Variants in RBFOX1 observed in about 807,000 individuals in gnomAD.
RBFOX1 encodes the protein RNA binding protein fox-1 homolog 1.
A neutral mutation model predicts 57.7 loss-of-function variants in RBFOX1; 8 were observed. That is an observed-to-expected ratio of 0.14 (90% confidence interval 0.08 to 0.25). RBFOX1 has a LOEUF of 0.25. Ranked by LOEUF, RBFOX1 falls within the 10% of genes least tolerant of loss-of-function variation. The pLI, the probability that RBFOX1 is intolerant of heterozygous loss-of-function variation, is 1.00. For synonymous variants in RBFOX1, 326 were observed against 222.4 expected (o/e 1.47, Z -4.15); for missense variants, 611 against 548.5 (o/e 1.11, Z -1.14).
chr16:5,352,093 A>C (rs1189285355), intron 1 of RBFOX1, among the ~76,000 whole-genome samples: 6 of 152,148 alleles, frequency 3.9e-5, no homozygotes, highest in African/African-American at 1.4e-4. Context: ...GGGGTGAGCC[A>C]CTGCGCCCAA....
chr16:6,502,063 C>T (rs2095950148), intron 2 of RBFOX1, among the ~76,000 whole-genome samples: 1 of 152,138 alleles, frequency 6.6e-6, no homozygotes, highest in African/African-American at 2.4e-5. Flanking sequence ...TTCCTAGTTT[C>T]CAGGGAATGG....
At chr16:7,066,431 C>G (rs147182185) in intron 4 of RBFOX1, among the ~76,000 whole-genome samples, 1 of 152,270 alleles carries the variant, frequency 6.6e-6, no homozygotes, top group East Asian at 1.9e-4. Flanking sequence ...TGGGGTTAGA[C>G]CTAGCATTGA....
intron 1 of RBFOX1, among the ~76,000 whole-genome samples, chr16:6,312,134 G>A (rs2080396192): frequency 6.6e-6 from 1 of 152,094 alleles, no homozygotes. Flanking sequence ...ATACATAATT[G>A]CATTGTTTGC....
In RBFOX1 at chr16:5,329,502, C is replaced by T. The variant is rs148305411; in HGVS notation, c.219+89397C>T. On this transcript the variant is annotated intron_variant, in intron 1 of 2. Transcript: ENST00000585867. ...CTCCCACCAGGCCCCACCTCCAACA[C>T]TGGGGATTACAATTTGACATGAGAT... Among the ~76,000 whole-genome samples, 864 of 152,296 alleles carry T rather than the reference C, an allele frequency of 5.7e-3. 6 individuals are homozygous for T. Among genetic ancestry groups the T allele is most frequent in the African/African-American group, 0.019 (791 of 41,554 alleles).
At chr16:7,158,136 C>T (rs1466999371) in intron 4 of RBFOX1, among the ~76,000 whole-genome samples, 1 of 152,080 alleles carries the variant, frequency 6.6e-6, no homozygotes, top group Non-Finnish European at 1.5e-5. Context: ...ATCACAAGGT[C>T]AGGAGTTCGA....
In RBFOX1 at chr16:6,569,989, G is replaced by A. The variant is rs77333649; in HGVS notation, c.-63-84614G>A. Reference sequence around the variant, plus strand: ...CCGGTAATTTGTTTGAGAAGAAGTCGTTAGGAAACCCTTGCATTCTCTTCT... The same window carrying A: ...CCGGTAATTTGTTTGAGAAGAAGTCATTAGGAAACCCTTGCATTCTCTTCT... On this transcript the variant is annotated intron_variant, in intron 2 of 15. Coordinates refer to ENST00000550418, the MANE Select transcript of RBFOX1 (RefSeq NM_018723.4). 9.3e-3 allele frequency among the ~76,000 whole-genome samples: 1,421 copies of A among 152,234 alleles called. 26 individuals are homozygous for A. Among genetic ancestry groups the A allele is most frequent in the South Asian group, 0.032 (153 of 4,830 alleles).
At chr16:5,421,139 T>G (rs984910919) in intron 1 of RBFOX1, among the ~76,000 whole-genome samples, 15 of 151,758 alleles carry the variant, frequency 9.9e-5, no homozygotes, top group Non-Finnish European at 2.1e-4. Flanking sequence ...CGAGAGTAGC[T>G]GGGACAACAG....
intron 3 of RBFOX1, among the ~76,000 whole-genome samples, chr16:6,814,252 G>GTT (rs1555496128): frequency 7.0e-6 from 1 of 143,574 alleles, no homozygotes; most frequent in Non-Finnish European, 1.5e-5. Context: ...AATTGTGGTG[G>GTT]GGGGGAGGGA....
At chr16:5,294,899 G>A (rs1409612650) in intron 1 of RBFOX1, among the ~76,000 whole-genome samples, 5 of 151,246 alleles carry the variant, frequency 3.3e-5, no homozygotes, top group African/African-American at 9.7e-5. Flanking sequence ...GTGTGGTGGT[G>A]CACGCCTTTG....
intron 3 of RBFOX1, among the ~76,000 whole-genome samples, chr16:7,031,440 A>G (rs969480769): frequency 3.9e-5 from 6 of 152,046 alleles, no homozygotes; most frequent in African/African-American, 1.4e-4. Context: ...TACTAAAAAT[A>G]CAAAAATTAG....
intron 13 of RBFOX1, among the ~76,000 whole-genome samples, chr16:7,672,173 T>C (rs2071678882): frequency 6.6e-6 from 1 of 152,188 alleles, no homozygotes; most frequent in Non-Finnish European, 1.5e-5. Flanking sequence ...TTTAAACCTA[T>C]TTCTCACTGC....
chr16:6,675,880 G>A (rs1011663776), intron 3 of RBFOX1, among the ~76,000 whole-genome samples: 2 of 151,974 alleles, frequency 1.3e-5, no homozygotes, highest in East Asian at 1.9e-4. Context: ...TGAGATTTGG[G>A]TGAGGACCCA....
intron 3 of RBFOX1, among the ~76,000 whole-genome samples, chr16:6,839,381 G>A (rs1010151445): frequency 2.6e-5 from 4 of 152,192 alleles, no homozygotes; most frequent in Admixed American, 6.5e-5. Context: ...GCTGAGGTTA[G>A]GTTGTCAGCT....
At chr16:6,161,216 G>A (rs574567376) in intron 1 of RBFOX1, among the ~76,000 whole-genome samples, 172 of 152,024 alleles carry the variant, frequency 1.1e-3, no homozygotes, top group African/African-American at 3.7e-3. Context: ...TGGTGAAACC[G>A]TGTCTGTACT....
chr16:6,884,874 C>T (rs1475526625), intron 3 of RBFOX1, among the ~76,000 whole-genome samples: 2 of 152,106 alleles, frequency 1.3e-5, no homozygotes, highest in Admixed American at 6.6e-5. Context: ...CTCCAGCCTG[C>T]ATGGCAGAGC....
intron 3 of RBFOX1, among the ~76,000 whole-genome samples, chr16:7,015,143 T>C (rs1597058041): frequency 6.6e-6 from 1 of 152,208 alleles, no homozygotes; most frequent in Non-Finnish European, 1.5e-5. Context: ...GTTCTCTTTT[T>C]CCTTTCTTCT....
At chr16:5,354,733 G>A (rs1320061591) in intron 1 of RBFOX1, among the ~76,000 whole-genome samples, 1 of 152,178 alleles carries the variant, frequency 6.6e-6, no homozygotes, top group African/African-American at 2.4e-5. Flanking sequence ...TAGGACAAAC[G>A]TTCACGCAGC....
rs1389469576 is a variant in RBFOX1, at chr16:6,780,425, TATATTTATAG to T, written c.-16+125780_-16+125789del. Reference sequence around the variant, plus strand: ...TTATATATATTTATATATATTTATATATATTTATAGATATATTTATATATACATTTTTATA... The same window carrying T: ...TTATATATATTTATATATATTTATATATATATTTATATATACATTTTTATA... On this transcript the variant is annotated intron_variant, in intron 3 of 15. Transcript: ENST00000550418. Among the ~76,000 whole-genome samples the T allele has an allele frequency of 3.2e-3, 346 of 108,506 alleles. 1 individual carries two copies. Among genetic ancestry groups the T allele is most frequent in the Middle Eastern group, 5.7e-3 (1 of 176 alleles). The allele number at this position is 108,506 out of a possible 152,430, so 71.2% of individuals were successfully genotyped here.
At chr16:5,618,362 G>C (rs2048106872) in intron 3 of RBFOX1, among the ~76,000 whole-genome samples, 1 of 152,006 alleles carries the variant, frequency 6.6e-6, no homozygotes, top group African/African-American at 2.4e-5. Flanking sequence ...GTGTGTGACA[G>C]AGTCTCGCTC....
Sources: allele counts gnomAD v4.1 joint callset (sites outside exome capture counted in the v4.1 genomes callset), GRCh38; gene constraint gnomAD v4.1.1; transcripts MANE v1.5; gene names NCBI Gene and HGNC (gene_info 2026-07-23, HGNC 2026-07-21).